ZNF407: variants seen among roughly 807,000 people sequenced by gnomAD.
ZNF407 encodes zinc finger protein 407.
Under a neutral mutation model 131.2 loss-of-function variants are expected in ZNF407, and 17 were observed. The observed-to-expected ratio is 0.13, with a 90% confidence interval of 0.09 to 0.19. The LOEUF (loss-of-function observed/expected upper bound fraction) is 0.19, where lower values mean the gene tolerates loss of function less well. Ranked by LOEUF, ZNF407 falls within the 10% of genes least tolerant of loss-of-function variation. The probability of loss-of-function intolerance (pLI) is 1.00; values close to 1 mark genes in which losing one functional copy is unlikely to be tolerated. For missense variants in ZNF407, 2,681 were observed against 2,830.6 expected, an observed-to-expected ratio of 0.95 and a Z score of 1.20; for synonymous variants, 1,156 against 1,062.0, an observed-to-expected ratio of 1.09 and a Z score of -1.72.
chr18:74,855,169 A>G (rs1426258930), intron 4 of ZNF407, among the ~76,000 whole-genome samples: 1 of 152,202 alleles, frequency 6.6e-6, no homozygotes, highest in Non-Finnish European at 1.5e-5. Flanking sequence ...AGTACAAGAC[A>G]TTTGCAAACC....
chr18:75,045,670 G>A (rs1055518320), intron 8 of ZNF407, among the ~76,000 whole-genome samples: 5 of 152,168 alleles, frequency 3.3e-5, no homozygotes, highest in Non-Finnish European at 7.4e-5. Flanking sequence ...TTGCTGCACC[G>A]TTTGTTCTCT....
intron 3 of ZNF407, among the ~76,000 whole-genome samples, chr18:74,755,812 A>C (rs376073751): frequency 2.5e-4 from 14 of 55,850 alleles, no homozygotes; most frequent in South Asian, 6.5e-4. Flanking sequence ...TCATTCGTTC[A>C]TTCATTCCTC....
chr18:74,753,524 C>T (rs1356973270), intron 3 of ZNF407, among the ~76,000 whole-genome samples: 6 of 152,044 alleles, frequency 3.9e-5, no homozygotes, highest in Non-Finnish European at 5.9e-5. Flanking sequence ...ATTTGGGAGA[C>T]GTCCCATCAA....
At chr18:74,877,703 A>T (rs1172772032) in intron 5 of ZNF407, among the ~76,000 whole-genome samples, 1 of 152,184 alleles carries the variant, frequency 6.6e-6, no homozygotes, top group South Asian at 2.1e-4. Flanking sequence ...ATATGGAGAG[A>T]TTAAGTTTTC....
chr18:74,660,910 A>G (rs1306367877), intron 3 of ZNF407, among the ~76,000 whole-genome samples: 3 of 152,192 alleles, frequency 2.0e-5, no homozygotes, highest in South Asian at 2.1e-4. Flanking sequence ...AGATTTACCA[A>G]TAATGCACAT....
intron 4 of ZNF407, among the ~76,000 whole-genome samples, chr18:74,809,869 A>G (rs1970169503): frequency 6.6e-6 from 1 of 152,162 alleles, no homozygotes; most frequent in Admixed American, 6.5e-5. Flanking sequence ...CAGTAATGGG[A>G]GTGGTCAGAT....
chr18:74,765,600 T>C (rs1180361477), intron 3 of ZNF407, among the ~76,000 whole-genome samples: 1 of 152,202 alleles, frequency 6.6e-6, no homozygotes, highest in Non-Finnish European at 1.5e-5. Flanking sequence ...AACACTATTT[T>C]TTTCTTTCTG....
chr18:74,968,705 A>C (rs1972437304), intron 8 of ZNF407, among the ~76,000 whole-genome samples: 1 of 152,076 alleles, frequency 6.6e-6, no homozygotes, highest in Admixed American at 6.5e-5. Flanking sequence ...GGTTGATTTC[A>C]AGATTTTTTT....
intron 8 of ZNF407, among the ~76,000 whole-genome samples, chr18:75,058,232 T>G (rs905801371): frequency 6.6e-6 from 1 of 152,106 alleles, no homozygotes; most frequent in African/African-American, 2.4e-5. Context: ...CATAATGGCA[T>G]CCCAGAGCAG....
At chr18:74,940,187 T>C (rs1306397686) in intron 8 of ZNF407, among the ~76,000 whole-genome samples, 2 of 152,196 alleles carry the variant, frequency 1.3e-5, no homozygotes, top group Non-Finnish European at 2.9e-5. Context: ...GCAGTCATTG[T>C]GGAGCTTGTT....
At chr18:74,612,850 G>T (rs1244993883) in intron 1 of ZNF407, among the ~76,000 whole-genome samples, 1 of 152,202 alleles carries the variant, frequency 6.6e-6, no homozygotes, top group African/African-American at 2.4e-5. Context: ...GTCAGAGGAA[G>T]AAGACAAGCT....
intron 8 of ZNF407, among the ~76,000 whole-genome samples, chr18:74,945,394 G>T (rs1972143929): frequency 6.6e-6 from 1 of 152,070 alleles, no homozygotes; most frequent in Non-Finnish European, 1.5e-5. Flanking sequence ...AATCTGTGCT[G>T]GTTTTTGTTT....
chr18:74,958,784 A>G (rs1972306200), intron 8 of ZNF407, among the ~76,000 whole-genome samples: 1 of 152,214 alleles, frequency 6.6e-6, no homozygotes, highest in African/African-American at 2.4e-5. Context: ...ATGTGACAGT[A>G]GGGTCTGAAA....
intron 3 of ZNF407, among the ~76,000 whole-genome samples, chr18:74,659,425 A>C (rs1293101668): frequency 6.6e-6 from 1 of 152,166 alleles, no homozygotes; most frequent in Non-Finnish European, 1.5e-5. Context: ...TTGACCTTTG[A>C]CTTCAGTTTT....
rs1305871951 is a variant in ZNF407, at chr18:74,877,205, C to T, written c.4886C>T (p.Thr1629Ile). 14 of 1,613,808 alleles carry T rather than the reference C, an allele frequency of 8.7e-6. No individual in the cohort carries two copies. Among genetic ancestry groups the T allele is most frequent in the Non-Finnish European group, 1.2e-5 (14 of 1,179,816 alleles). The stretch of plus-strand genomic sequence containing the variant: ...CTCTCTCCTTCATGCAGGAAATTTA[C>T]ATGCCACTTATGTGATAGAAGTTTC... ...GVGTPKERKF[T>I]CHLCDRSFTE... The change falls in exon 5 of 9, where the codon ACA (threonine) becomes ATA (isoleucine). Residue 1629 changes from threonine (T) to isoleucine (I), a missense_variant. Thr to Ile is a moderately conservative substitution (Grantham distance 89, BLOSUM62 -1). Coordinates refer to ENST00000299687, the MANE Select transcript of ZNF407 (RefSeq NM_017757.3).
At position 74,633,631 on chromosome 18, in the gene ZNF407, G is replaced by A. The variant is rs766914052; in HGVS notation, c.2612G>A (p.Arg871Gln). 1 of 1,613,948 alleles carries A rather than the reference G, an allele frequency of 6.2e-7. No individual in the cohort carries two copies. Among genetic ancestry groups the A allele is most frequent in the Non-Finnish European group, 8.5e-7 (1 of 1,179,890 alleles). ...SITNLTVHIR[R>Q]KHSHQYSYLC... The stretch of plus-strand genomic sequence containing the variant: ...ACAAACTTGACTGTTCACATTAGAC[G>A]AAAACACAGTCACCAGTATAGTTAT... The change falls in exon 2 of 9, where the codon CGA becomes CAA. Residue 871 changes from arginine (R) to glutamine (Q), a missense_variant. By Grantham distance (43) the Arg-to-Gln change is conservative. Transcript: ENST00000299687.
intron 3 of ZNF407, among the ~76,000 whole-genome samples, chr18:74,698,150 A>G (rs1190512845): frequency 6.6e-6 from 1 of 152,224 alleles, no homozygotes; most frequent in African/African-American, 2.4e-5. Context: ...TTCATGCATA[A>G]TGGATATAAA....
chr18:74,817,829 A>G (rs1970288217), intron 4 of ZNF407, among the ~76,000 whole-genome samples: 1 of 152,120 alleles, frequency 6.6e-6, no homozygotes, highest in Non-Finnish European at 1.5e-5. Context: ...TGGGATGCAA[A>G]CTATTTTAAG....
chr18:74,844,660 A>T (rs1970678514), intron 4 of ZNF407, among the ~76,000 whole-genome samples: 1 of 152,172 alleles, frequency 6.6e-6, no homozygotes, highest in South Asian at 2.1e-4. Flanking sequence ...AAATTTTTAA[A>T]TTATTTAAAA....
Sources: gnomAD v4.1 joint callset for allele counts (sites outside exome capture counted in the v4.1 genomes callset) on GRCh38, gnomAD v4.1.1 for gene constraint, MANE v1.5 for transcripts, NCBI Gene and HGNC (gene_info 2026-07-23, HGNC 2026-07-21) for gene names.